Variants in CLVS1 observed in about 807,000 individuals in gnomAD.
The protein encoded by CLVS1 is clavesin-1.
In CLVS1, 10 loss-of-function variants were observed where a neutral mutation model predicts 33.1. The observed-to-expected ratio is 0.30, with a 90% CI of 0.19 to 0.51. CLVS1 has a LOEUF of 0.51. CLVS1 is among the 20% of genes least tolerant of loss of function. The pLI is 0.97. For synonymous variants in CLVS1, 163 were observed against 166.1 expected (o/e 0.98, Z 0.14); for missense variants, 343 against 433.4 (o/e 0.79, Z 1.85).
At chr8:61,458,176 C>T in intron 4 of CLVS1, 131 bp from the exon 5 acceptor site, 1 of 650,958 alleles carries the variant, frequency 1.5e-6, no homozygotes, top group Non-Finnish European at 2.7e-6. Flanking sequence ...GTCACAAAAT[C>T]AATGCCTCTT....
chr8:61,451,176 G>A (rs1162553156), intron 3 of CLVS1, among the ~76,000 whole-genome samples: 1 of 151,874 alleles, frequency 6.6e-6, no homozygotes, highest in Admixed American at 6.6e-5. Flanking sequence ...TAAAAAAAAA[G>A]CAGGGGTTAT....
intron 1 of CLVS1, among the ~76,000 whole-genome samples, chr8:61,124,003 C>A (rs1257545546): frequency 1.3e-5 from 2 of 152,056 alleles, no homozygotes; most frequent in East Asian, 3.8e-4. Flanking sequence ...TTTGTTCTTG[C>A]ACAACAAAGG....
intron 1 of CLVS1, among the ~76,000 whole-genome samples, chr8:61,059,499 T>TATATATATATATACACAC (rs1265187479): frequency 3.1e-5 from 3 of 96,352 alleles, no homozygotes; most frequent in South Asian, 3.9e-4. Context: ...TATATATATA[T>TATATATATATATACACAC]ACACATATCT....
chr8:61,129,295 T>G (rs190165065), intron 1 of CLVS1, among the ~76,000 whole-genome samples: 9 of 152,356 alleles, frequency 5.9e-5, no homozygotes, highest in Non-Finnish European at 1.3e-4. Flanking sequence ...GAAGTTTGTC[T>G]GCTTAGGTTG....
intron 3 of CLVS1, among the ~76,000 whole-genome samples, chr8:61,425,523 G>T (rs760702283): frequency 9.2e-5 from 14 of 152,142 alleles, no homozygotes; most frequent in Non-Finnish European, 1.9e-4. Context: ...TGTATTCACA[G>T]AGTATTGCAA....
chr8:61,370,099 G>A (rs1813370677), intron 2 of CLVS1, among the ~76,000 whole-genome samples: 1 of 152,190 alleles, frequency 6.6e-6, no homozygotes, highest in African/African-American at 2.4e-5. Context: ...CCACTTTGTG[G>A]TTTGTGGTGG....
intron 1 of CLVS1, among the ~76,000 whole-genome samples, chr8:61,114,612 G>A (rs1214396533): frequency 1.3e-5 from 2 of 152,164 alleles, no homozygotes; most frequent in East Asian, 1.9e-4. Flanking sequence ...AGATGGTGAA[G>A]CTATCACCTA....
chr8:61,221,964 A>G (rs1808227355), intron 2 of CLVS1, among the ~76,000 whole-genome samples: 1 of 151,902 alleles, frequency 6.6e-6, no homozygotes. Flanking sequence ...TTTCTAGTTT[A>G]TTTGCGTAGA....
At chr8:61,425,507 T>G (rs554595292) in intron 3 of CLVS1, among the ~76,000 whole-genome samples, 2 of 152,280 alleles carry the variant, frequency 1.3e-5, no homozygotes, top group Admixed American at 6.5e-5. Context: ...ATTCAATGGC[T>G]TTTAGTGTAT....
At chr8:61,331,446 C>T (rs1024509365) in intron 2 of CLVS1, among the ~76,000 whole-genome samples, 1 of 151,772 alleles carries the variant, frequency 6.6e-6, no homozygotes, top group Non-Finnish European at 1.5e-5. Context: ...TTCCCTCCTC[C>T]ATTTTCCCTG....
At chr8:61,184,222 A>G (rs572730540) in intron 2 of CLVS1, among the ~76,000 whole-genome samples, 1 of 152,354 alleles carries the variant, frequency 6.6e-6, no homozygotes, top group East Asian at 1.9e-4. Context: ...TCTTCCTCGC[A>G]TGGAGAGCGG....
intron 5 of CLVS1, among the ~76,000 whole-genome samples, chr8:61,485,817 C>T (rs1803858567): frequency 6.6e-6 from 1 of 152,098 alleles, no homozygotes; most frequent in South Asian, 2.1e-4. Flanking sequence ...AAGCTAGAAA[C>T]CATCATTCTG....
chr8:61,081,469 G>T (rs542714892), intron 1 of CLVS1, among the ~76,000 whole-genome samples: 12 of 152,300 alleles, frequency 7.9e-5, no homozygotes, highest in Admixed American at 1.3e-4. Context: ...GGGTAAGGAT[G>T]GCCCCACCTC....
chr8:61,030,304 C>T, the CLVS1 span, among the ~76,000 whole-genome samples: 4,652 of 150,158 alleles, frequency 0.031, 129 homozygotes, highest in Non-Finnish European at 0.042. Context: ...AAGGTGGCAG[C>T]GGGGTGGGGG....
At chr8:61,302,717 G>A (rs1180458700) in intron 2 of CLVS1, among the ~76,000 whole-genome samples, 1 of 152,186 alleles carries the variant, frequency 6.6e-6, no homozygotes, top group Non-Finnish European at 1.5e-5. Flanking sequence ...TTCTTGCATT[G>A]CTATAAGGAA....
the CLVS1 span, chr8:60,966,524 T>A: frequency 2.7e-6 from 1 of 369,222 alleles, no homozygotes; most frequent in Non-Finnish European, 5.4e-6. Flanking sequence ...CATCCCAATA[T>A]ATGCCAGAGA....
intron 2 of CLVS1, among the ~76,000 whole-genome samples, chr8:61,209,320 C>G (rs1807925727): frequency 6.6e-6 from 1 of 152,180 alleles, no homozygotes; most frequent in South Asian, 2.1e-4. Context: ...TGAATTGCCT[C>G]CAACTTAGAG....
chr8:61,018,866 G>C, the CLVS1 span, among the ~76,000 whole-genome samples: 1 of 152,238 alleles, frequency 6.6e-6, no homozygotes, highest in Non-Finnish European at 1.5e-5. Context: ...AAGAAAGTTA[G>C]TCAAGAGCAC....
rs1804564076 is a variant in CLVS1 at position 61,500,229 on chromosome 8, T to C, written c.*687T>C. 1 of 152,268 alleles carries C rather than the reference T, an allele frequency of 6.6e-6. No individual in the cohort carries two copies. Among genetic ancestry groups the C allele is most frequent in the Non-Finnish European group, 1.5e-5 (1 of 68,038 alleles). The allele number at this position is 152,268 out of a possible 1,614,324, so 9.4% of individuals were successfully genotyped here. On this transcript the variant is annotated 3_prime_UTR_variant, in exon 6 of 6. Transcript: ENST00000325897. The stretch of plus-strand genomic sequence containing the variant: ...TAAAGGAAGACACATGGACGTGAAA[T>C]ACGATTATTTCATCTGAGCAATGTG...
Sources: allele counts gnomAD v4.1 joint callset (sites outside exome capture counted in the v4.1 genomes callset), GRCh38; gene constraint gnomAD v4.1.1; transcripts MANE v1.5; gene names NCBI Gene and HGNC (gene_info 2026-07-23, HGNC 2026-07-21).